RBFOX2: variants seen among roughly 807,000 people sequenced by gnomAD.
The protein encoded by RBFOX2 is RNA binding protein fox-1 homolog 2.
RBFOX2 carries 10 observed loss-of-function variants against 49.1 expected under a neutral mutation model. The ratio of observed to expected loss-of-function variants is 0.20; its 90% CI spans 0.13 to 0.35. The LOEUF is 0.35. Ranked by LOEUF, RBFOX2 falls within the 10% of genes least tolerant of loss-of-function variation. The pLI, the probability that RBFOX2 is intolerant of heterozygous loss-of-function variation, is 1.00. For missense variants in RBFOX2, 323 were observed against 486.9 expected, an observed-to-expected ratio of 0.66 and a Z score of 3.17; for synonymous variants, 183 against 187.4, an observed-to-expected ratio of 0.98 and a Z score of 0.19.
intron 1 of RBFOX2, among the ~76,000 whole-genome samples, chr22:35,889,031 G>T (rs536532156): frequency 6.6e-6 from 1 of 152,192 alleles, no homozygotes; most frequent in African/African-American, 2.4e-5. Context: ...GTGGGTGCCT[G>T]TAATCCCAGC....
chr22:36,021,278 G>A (rs1432775324), intron 1 of RBFOX2, among the ~76,000 whole-genome samples: 1 of 150,826 alleles, frequency 6.6e-6, no homozygotes, highest in East Asian at 1.9e-4. Context: ...GATAACATTA[G>A]GAAATACACC....
chr22:35,770,412 A>G (rs1043878865), intron 4 of RBFOX2, among the ~76,000 whole-genome samples: 1 of 152,180 alleles, frequency 6.6e-6, no homozygotes, highest in Admixed American at 6.6e-5. Flanking sequence ...CATTATGACT[A>G]TATCTACACA....
intron 4 of RBFOX2, among the ~76,000 whole-genome samples, chr22:35,769,795 T>C (rs1411357601): frequency 6.6e-6 from 1 of 152,150 alleles, no homozygotes; most frequent in Non-Finnish European, 1.5e-5. Flanking sequence ...TAAAATTTTA[T>C]AAAAGCAACT....
intron 1 of RBFOX2, among the ~76,000 whole-genome samples, chr22:35,928,263 GTGTC>G (rs944767766): frequency 6.6e-5 from 10 of 152,074 alleles, no homozygotes; most frequent in African/African-American, 9.7e-5. Context: ...GGGGGCAGGG[GTGTC>G]TGTCTGTCTG....
At chr22:35,808,338 T>C (rs1951155538) in intron 2 of RBFOX2, among the ~76,000 whole-genome samples, 2 of 152,210 alleles carry the variant, frequency 1.3e-5, no homozygotes. Context: ...TGCTTATACA[T>C]AACTAATAAA....
At chr22:35,997,018 A>G (rs979757435) in intron 1 of RBFOX2, 3 of 152,246 alleles carry the variant, frequency 2.0e-5, no homozygotes, top group African/African-American at 2.4e-5. Flanking sequence ...AGAACTTCTC[A>G]GAGTTTGATA....
chr22:35,945,469 A>G (rs913893341), intron 1 of RBFOX2, among the ~76,000 whole-genome samples: 1 of 152,046 alleles, frequency 6.6e-6, no homozygotes, highest in Admixed American at 6.5e-5. Context: ...AGGGTCTCAC[A>G]CTGTCGCCCA....
At chr22:35,941,013 A>G (rs2053635592), upstream of RBFOX2, among the ~76,000 whole-genome samples, 1 of 152,170 alleles carries the variant, frequency 6.6e-6, no homozygotes, top group Non-Finnish European at 1.5e-5. Flanking sequence ...ATGGATGCAC[A>G]CATCCATTAT....
chr22:35,873,445 T>C (rs2044618184), intron 1 of RBFOX2, among the ~76,000 whole-genome samples: 2 of 152,084 alleles, frequency 1.3e-5, no homozygotes, highest in South Asian at 4.1e-4. Flanking sequence ...CTTAAGACTA[T>C]GCCCAGCAGG....
At chr22:35,840,090 G>T in intron 1 of RBFOX2, 1 of 1,467,496 alleles carries the variant, frequency 6.8e-7, no homozygotes, top group Non-Finnish European at 9.5e-7. Flanking sequence ...GTTCTAAGAA[G>T]ACAATAATGA....
intron 1 of RBFOX2, among the ~76,000 whole-genome samples, chr22:35,865,978 G>C (rs976050048): frequency 2.6e-5 from 4 of 152,196 alleles, no homozygotes; most frequent in Non-Finnish European, 4.4e-5. Context: ...TGTAGCCAGT[G>C]TGTCTAAGAT....
chr22:36,011,424 G>A (rs2058817927), intron 1 of RBFOX2, among the ~76,000 whole-genome samples: 1 of 152,046 alleles, frequency 6.6e-6, no homozygotes. Flanking sequence ...CTTTACAAGG[G>A]ACATTTGGAC....
intron 1 of RBFOX2, among the ~76,000 whole-genome samples, chr22:35,977,840 C>G (rs575814916): frequency 1.4e-5 from 2 of 147,724 alleles, no homozygotes; most frequent in African/African-American, 5.0e-5. Flanking sequence ...GTCCCCCTTC[C>G]GTCACAGAGG....
At chr22:35,975,094 A>G (rs535333643) in intron 1 of RBFOX2, among the ~76,000 whole-genome samples, 40 of 152,354 alleles carry the variant, frequency 2.6e-4, no homozygotes, top group African/African-American at 8.4e-4. Context: ...TAGAAAAACG[A>G]AATTTTAAAA....
At chr22:35,802,165 C>T (rs542546188) in intron 2 of RBFOX2, among the ~76,000 whole-genome samples, 6 of 152,084 alleles carry the variant, frequency 3.9e-5, no homozygotes, top group Non-Finnish European at 5.9e-5. Context: ...AGGAACAGAA[C>T]TTGCCCTTAA....
intron 1 of RBFOX2, among the ~76,000 whole-genome samples, chr22:35,875,894 A>T (rs1236492752): frequency 2.0e-5 from 3 of 151,960 alleles, no homozygotes; most frequent in African/African-American, 7.2e-5. Context: ...ATAGTAAAAA[A>T]ATAAATAAAT....
At chr22:35,750,489 G>T in intron 9 of RBFOX2, 1 of 1,574,300 alleles carries the variant, frequency 6.4e-7, no homozygotes, top group Non-Finnish European at 8.7e-7. Flanking sequence ...ACAAAAAATG[G>T]GGATTAGCAT....
intron 1 of RBFOX2, among the ~76,000 whole-genome samples, chr22:35,859,778 G>A (rs1373974883): frequency 6.6e-6 from 1 of 152,082 alleles, no homozygotes; most frequent in Non-Finnish European, 1.5e-5. Flanking sequence ...GGCCAGGCTG[G>A]TCTCACACTC....
intron 4 of RBFOX2, among the ~76,000 whole-genome samples, chr22:35,771,618 G>GTA (rs1942694720): frequency 6.6e-6 from 1 of 152,074 alleles, no homozygotes; most frequent in Non-Finnish European, 1.5e-5. Context: ...AAAGTGAGAG[G>GTA]TATGACTAGA....
Sources: gnomAD v4.1 joint callset for allele counts (sites outside exome capture counted in the v4.1 genomes callset) on GRCh38, gnomAD v4.1.1 for gene constraint, MANE v1.5 for transcripts, NCBI Gene and HGNC (gene_info 2026-07-23, HGNC 2026-07-21) for gene names.